The following TLN2 variants were observed in gnomAD, a reference collection of about 807,000 sequenced individuals.
TLN2 encodes the protein talin 2.
In TLN2, 118 loss-of-function variants were observed where a neutral mutation model predicts 294.7. The observed-to-expected ratio is 0.40, with a 90% confidence interval of 0.34 to 0.47. The LOEUF is 0.47. TLN2 is among the 20% of genes least tolerant of loss of function. The probability of loss-of-function intolerance (pLI) is 0.84; values close to 1 mark genes in which losing one functional copy is unlikely to be tolerated. For missense variants in TLN2, 3,083 were observed against 3,282.2 expected, an observed-to-expected ratio of 0.94 and a Z score of 1.48; for synonymous variants, 1,431 against 1,304.5, an observed-to-expected ratio of 1.10 and a Z score of -2.09.
At chr15:62,526,378 T>C (rs1366274659) in intron 1 of TLN2, among the ~76,000 whole-genome samples, 1 of 152,196 alleles carries the variant, frequency 6.6e-6, no homozygotes, top group Non-Finnish European at 1.5e-5. Context: ...AATTAAAACA[T>C]TGGTACACTT....
chr15:62,395,992 C>T (rs1412376383), intron 1 of TLN2, among the ~76,000 whole-genome samples: 11 of 152,094 alleles, frequency 7.2e-5, no homozygotes, highest in African/African-American at 2.7e-4. Context: ...CCCGCCACCA[C>T]ACCTGGCTAA....
At position 62,543,961 on chromosome 15, in the gene TLN2, C is replaced by T. The variant is rs891128197; in HGVS notation, c.-237-45726C>T. Among the ~76,000 whole-genome samples the T allele has an allele frequency of 1.1e-4, 17 of 152,206 alleles. No homozygotes were observed. In the South Asian group the frequency reaches 1.5e-3, roughly 13 times the overall value. On this transcript the variant is annotated intron_variant, in intron 1 of 58. Coordinates refer to ENST00000636159, the MANE Select transcript of TLN2 (RefSeq NM_015059.3). ...GATAGGGCCTTGGGCTATTCAGGGGCTGGGGCTGGCGTGGAGGGTAGTAGG... is the reference window on the plus strand; with the variant it reads ...GATAGGGCCTTGGGCTATTCAGGGGTTGGGGCTGGCGTGGAGGGTAGTAGG...
intron 1 of TLN2, among the ~76,000 whole-genome samples, chr15:62,527,046 G>A (rs1024828088): frequency 2.0e-5 from 3 of 152,268 alleles, no homozygotes; most frequent in Non-Finnish European, 2.9e-5. Flanking sequence ...GAGACATGAC[G>A]TCGAGCTTCC....
At chr15:62,794,286 C>G (rs2065298079) in intron 46 of TLN2, among the ~76,000 whole-genome samples, 1 of 152,140 alleles carries the variant, frequency 6.6e-6, no homozygotes, top group Admixed American at 6.5e-5. Flanking sequence ...TTGACTGTTT[C>G]TTGCTGTGCG....
At chr15:62,582,350 T>C (rs1280371980) in intron 1 of TLN2, among the ~76,000 whole-genome samples, 1 of 152,156 alleles carries the variant, frequency 6.6e-6, no homozygotes, top group East Asian at 1.9e-4. Context: ...CAGTCATTCA[T>C]TGAGCACTTA....
chr15:62,643,737 A>C (rs112749309), intron 3 of TLN2, among the ~76,000 whole-genome samples: 29 of 152,122 alleles, frequency 1.9e-4, no homozygotes, highest in African/African-American at 6.8e-4. Context: ...CCAGAGGTCA[A>C]AGGCATCAGG....
chr15:62,674,030 A>G, intron 10 of TLN2, 140 bp downstream of exon 10: 1 of 570,412 alleles, frequency 1.8e-6, no homozygotes. Flanking sequence ...TCAAGAGTAT[A>G]GAAGCTGACA....
intron 1 of TLN2, among the ~76,000 whole-genome samples, chr15:62,573,002 C>A (rs186327837): frequency 1.1e-4 from 16 of 151,150 alleles, no homozygotes; most frequent in African/African-American, 3.9e-4. Flanking sequence ...CCACACCTCT[C>A]TTCTCATAGC....
intron 9 of TLN2, among the ~76,000 whole-genome samples, chr15:62,668,163 A>G (rs141695889): frequency 1.2e-3 from 183 of 152,282 alleles, no homozygotes; most frequent in African/African-American, 4.3e-3. Context: ...AGTTGATACT[A>G]TTGTATACTA....
At chr15:62,836,500 A>G (rs1238887054) in intron 57 of TLN2, among the ~76,000 whole-genome samples, 1 of 152,232 alleles carries the variant, frequency 6.6e-6, no homozygotes, top group Non-Finnish European at 1.5e-5. Flanking sequence ...TGCAGGCACC[A>G]CATCTTCATC....
intron 1 of TLN2, among the ~76,000 whole-genome samples, chr15:62,582,495 A>G (rs1329958262): frequency 1.3e-5 from 2 of 152,224 alleles, no homozygotes; most frequent in African/African-American, 2.4e-5. Context: ...TTGTAAGTAC[A>G]GAAATTGAGA....
intron 1 of TLN2, among the ~76,000 whole-genome samples, chr15:62,486,645 A>G (rs1432426177): frequency 6.6e-6 from 1 of 152,044 alleles, no homozygotes; most frequent in African/African-American, 2.4e-5. Context: ...ATCAGGAGGC[A>G]CATGATGTCA....
rs769078396 is a variant in TLN2, at chr15:62,776,917, A to C, written c.5514+7A>C. On this transcript the variant is annotated splice_region_variant and intron_variant, in intron 43 of 58. Transcript: ENST00000636159. ...TGCAGAAGCCATGAGCAAGGTGGGC[A>C]TGGGCTCTAGGGCTCTCTACTCCCT... 4 of 1,559,724 alleles carry C rather than the reference A, an allele frequency of 2.6e-6. No individual in the cohort carries two copies. The highest frequency in any genetic ancestry group is 1.4e-5 in the African/African-American group (1 of 72,460).
intron 1 of TLN2, among the ~76,000 whole-genome samples, chr15:62,487,704 A>T (rs1276452125): frequency 6.6e-6 from 1 of 151,922 alleles, no homozygotes; most frequent in Non-Finnish European, 1.5e-5. Context: ...AGGCTGAGGC[A>T]GGTGGATCAT....
At chr15:62,716,489 C>A in intron 23 of TLN2, 30 bp downstream of exon 23, 1 of 1,569,718 alleles carries the variant, frequency 6.4e-7, no homozygotes, top group Non-Finnish European at 8.6e-7. Context: ...TTCTGGGATG[C>A]CCATCTTAAA....
At chr15:62,776,966 G>T (rs562368964) in intron 43 of TLN2, 56 bp downstream of exon 43, 12 of 1,362,668 alleles carry the variant, frequency 8.8e-6, no homozygotes, top group Non-Finnish European at 1.1e-5. Context: ...CATGGGCCTC[G>T]CGTGCTTTTC....
chr15:62,661,794 AAATGTAG>A (rs2053865779), intron 9 of TLN2, among the ~76,000 whole-genome samples: 1 of 152,158 alleles, frequency 6.6e-6, no homozygotes, highest in African/African-American at 2.4e-5. Context: ...CTTAAATCAA[AAATGTAG>A]CTGCTGGAGC....
Position 62,801,917 on chromosome 15 carries a change from A to G in TLN2, c.6477+1148A>G, listed in dbSNP as rs1372745432. Reference sequence around the variant, plus strand: ...AATGCATAATAATCACATCAGGATAATTGGGGTATCCATCATCTCAAGCAT... The same window carrying G: ...AATGCATAATAATCACATCAGGATAGTTGGGGTATCCATCATCTCAAGCAT... On this transcript the variant is annotated intron_variant, in intron 50 of 58. Coordinates refer to ENST00000636159, the MANE Select transcript of TLN2 (RefSeq NM_015059.3). Among the ~76,000 whole-genome samples the G allele has an allele frequency of 2.6e-5, 4 of 152,252 alleles. No individual in the cohort carries two copies. In the East Asian group the frequency reaches 7.7e-4, roughly 29 times the overall value.
chr15:62,453,783 G>C (rs1450424535), intron 1 of TLN2: 2 of 152,374 alleles, frequency 1.3e-5, no homozygotes, highest in African/African-American at 2.4e-5. Context: ...TGTGTTTTCT[G>C]TGTGGCTGTT....
Sources: gnomAD v4.1 joint callset for allele counts (sites outside exome capture counted in the v4.1 genomes callset) on GRCh38, gnomAD v4.1.1 for gene constraint, MANE v1.5 for transcripts, NCBI Gene and HGNC (gene_info 2026-07-23, HGNC 2026-07-21) for gene names.